The following SERPINI1 variants were observed in gnomAD, a reference collection of about 807,000 sequenced individuals.
SERPINI1 encodes the protein serpin family I member 1.
Under a neutral mutation model 41.1 loss-of-function variants are expected in SERPINI1, and 19 were observed. That is an observed-to-expected ratio of 0.46 (90% CI 0.32 to 0.68). SERPINI1 has a LOEUF of 0.68. SERPINI1 is among the 30% of genes least tolerant of loss of function. The probability of loss-of-function intolerance (pLI) is 0.03; values close to 1 mark genes in which losing one functional copy is unlikely to be tolerated. For synonymous variants in SERPINI1, 138 were observed against 156.6 expected (o/e 0.88, Z 0.89); for missense variants, 460 against 479.2 (o/e 0.96, Z 0.37).
intron 5 of SERPINI1, among the ~76,000 whole-genome samples, chr3:167,805,435 G>T (rs944979490): frequency 3.9e-5 from 6 of 152,054 alleles, no homozygotes; most frequent in African/African-American, 1.2e-4. Context: ...TAGATTCTGG[G>T]TATTAGACCT....
chr3:167,753,554 C>T (rs1473798867), intron 1 of SERPINI1, among the ~76,000 whole-genome samples: 23 of 152,066 alleles, frequency 1.5e-4, no homozygotes, highest in Admixed American at 1.5e-3. Context: ...GGCCTTGGGA[C>T]CCTATGAAGA....
chr3:167,769,833 G>A (rs1726684393), intron 1 of SERPINI1, among the ~76,000 whole-genome samples: 1 of 151,976 alleles, frequency 6.6e-6, no homozygotes, highest in Middle Eastern at 3.4e-3. Flanking sequence ...TTTTTATGAT[G>A]TATTCATATC....
chr3:167,793,427 T>C (rs1212207629), intron 4 of SERPINI1, among the ~76,000 whole-genome samples: 1 of 151,866 alleles, frequency 6.6e-6, no homozygotes, highest in East Asian at 1.9e-4. Context: ...TTAGTACTAG[T>C]AGTTTTATTC....
intron 5 of SERPINI1, among the ~76,000 whole-genome samples, chr3:167,801,866 A>G (rs1486491861): frequency 6.6e-6 from 1 of 152,188 alleles, no homozygotes; most frequent in Non-Finnish European, 1.5e-5. Flanking sequence ...ACTTTGAACA[A>G]GGTCTTACAA....
intron 1 of SERPINI1, among the ~76,000 whole-genome samples, chr3:167,743,534 G>C (rs1326142849): frequency 6.6e-6 from 1 of 152,074 alleles, no homozygotes; most frequent in East Asian, 1.9e-4. Flanking sequence ...TTTACTGCCT[G>C]ATTTTTACAT....
At chr3:167,764,913 A>G (rs1726510089) in intron 1 of SERPINI1, among the ~76,000 whole-genome samples, 1 of 152,214 alleles carries the variant, frequency 6.6e-6, no homozygotes, top group Non-Finnish European at 1.5e-5. Flanking sequence ...AAGCTCCAAA[A>G]TGATCTCCTT....
At chr3:167,736,302 T>C in intron 1 of SERPINI1, among the ~76,000 whole-genome samples, 1 of 152,218 alleles carries the variant, frequency 6.6e-6, no homozygotes, top group African/African-American at 2.4e-5. Context: ...TTTTGCAGTT[T>C]CCTAGAATTG....
chr3:167,823,205 T>G (rs1712399841), intron 7 of SERPINI1, 133 bp downstream of exon 7: 1 of 722,848 alleles, frequency 1.4e-6, no homozygotes, highest in African/African-American at 1.8e-5. Flanking sequence ...AAGCAAATGC[T>G]GAACCAGCCG....
At chr3:167,790,245 G>A (rs945930428) in intron 2 of SERPINI1, 127 bp from the exon 3 acceptor site, 2 of 707,828 alleles carry the variant, frequency 2.8e-6, no homozygotes, top group Non-Finnish European at 5.1e-6. Flanking sequence ...GTGGGGGAAA[G>A]CCTGGCACTT....
intron 1 of SERPINI1, among the ~76,000 whole-genome samples, chr3:167,788,461 T>C (rs922364800): frequency 6.6e-6 from 1 of 152,222 alleles, no homozygotes. Context: ...TTCTCAACTT[T>C]GGTAGGGGGC....
intron 1 of SERPINI1, among the ~76,000 whole-genome samples, chr3:167,781,172 T>C (rs1226765236): frequency 6.6e-6 from 1 of 152,052 alleles, no homozygotes; most frequent in African/African-American, 2.4e-5. Flanking sequence ...TCTTAGCAAA[T>C]CAGGAAACAC....
At chr3:167,780,386 T>C (rs1363803376) in intron 1 of SERPINI1, among the ~76,000 whole-genome samples, 1 of 152,174 alleles carries the variant, frequency 6.6e-6, no homozygotes, top group Non-Finnish European at 1.5e-5. Flanking sequence ...TTGAAAGTTG[T>C]AAGGAAGGTT....
At chr3:167,805,858 T>C (rs6787970) in intron 5 of SERPINI1, among the ~76,000 whole-genome samples, 7,171 of 152,156 alleles carry the variant, frequency 0.047, 537 homozygotes, top group African/African-American at 0.16. Context: ...TGTAGATGTG[T>C]GGTGCTATTT....
intron 1 of SERPINI1, among the ~76,000 whole-genome samples, chr3:167,754,088 A>G (rs1364162790): frequency 6.6e-6 from 1 of 152,224 alleles, no homozygotes; most frequent in Admixed American, 6.5e-5. Flanking sequence ...ACTGGTTGGA[A>G]GAGATGCAGT....
At chr3:167,820,102 A>T (rs747416075) in intron 6 of SERPINI1, among the ~76,000 whole-genome samples, 3 of 152,230 alleles carry the variant, frequency 2.0e-5, no homozygotes, top group Non-Finnish European at 4.4e-5. Flanking sequence ...TAAGTCTGAA[A>T]TAAAAGTGTC....
chr3:167,745,926 A>G (rs1725850262), intron 1 of SERPINI1, among the ~76,000 whole-genome samples: 1 of 152,182 alleles, frequency 6.6e-6, no homozygotes, highest in Non-Finnish European at 1.5e-5. Context: ...ACCTAAGTAA[A>G]TTGAAAAGTA....
At chr3:167,802,968 TC>T (rs1328081283) in intron 5 of SERPINI1, among the ~76,000 whole-genome samples, 5 of 151,628 alleles carry the variant, frequency 3.3e-5, no homozygotes, top group Admixed American at 2.6e-4. Flanking sequence ...TGAGTTCATG[TC>T]CTTTGTAGGG....
intron 5 of SERPINI1, among the ~76,000 whole-genome samples, chr3:167,796,492 T>C (rs1727714830): frequency 1.3e-5 from 2 of 152,150 alleles, no homozygotes; most frequent in Non-Finnish European, 2.9e-5. Context: ...TAGCTATTTA[T>C]CCTGATACTC....
chr3:167,772,439 T>C (rs771110355), intron 1 of SERPINI1, among the ~76,000 whole-genome samples: 5 of 152,158 alleles, frequency 3.3e-5, no homozygotes, highest in Non-Finnish European at 7.3e-5. Context: ...GCCTTGCACT[T>C]ACCTCAAGTT....
Sources: gnomAD v4.1 joint callset for allele counts (sites outside exome capture counted in the v4.1 genomes callset) on GRCh38, gnomAD v4.1.1 for gene constraint, MANE v1.5 for transcripts, NCBI Gene and HGNC (gene_info 2026-07-23, HGNC 2026-07-21) for gene names.